The following CNTNAP2 variants were observed in gnomAD, a reference collection of about 807,000 sequenced individuals.
CNTNAP2 encodes the protein contactin-associated protein-like 2.
A neutral mutation model predicts 155.2 loss-of-function variants in CNTNAP2; 98 were observed. That is an observed-to-expected ratio of 0.63 (90% confidence interval 0.54 to 0.75). CNTNAP2 has a LOEUF of 0.75. Ranked by LOEUF, CNTNAP2 falls within the 30% of genes least tolerant of loss-of-function variation. The pLI is 0.00. For synonymous variants in CNTNAP2, 651 were observed against 631.2 expected, an observed-to-expected ratio of 1.03 and a Z score of -0.47; for missense variants, 1,727 against 1,688.1, an observed-to-expected ratio of 1.02 and a Z score of -0.40.
At chr7:146,491,205 A>ATTT in intron 1 of CNTNAP2, among the ~76,000 whole-genome samples, 1 of 152,274 alleles carries the variant, frequency 6.6e-6, no homozygotes, top group African/African-American at 2.4e-5. Flanking sequence ...CTACAAGAAC[A>ATTT]CTTCAGTGGC....
At chr7:148,365,656 C>T (rs1023526150) in intron 21 of CNTNAP2, among the ~76,000 whole-genome samples, 7 of 148,664 alleles carry the variant, frequency 4.7e-5, no homozygotes, top group Non-Finnish European at 6.0e-5. Flanking sequence ...AAGAGTGAGA[C>T]TCCATCTCAT....
At chr7:148,203,707 C>G (rs1409528972) in intron 18 of CNTNAP2, among the ~76,000 whole-genome samples, 1 of 152,010 alleles carries the variant, frequency 6.6e-6, no homozygotes, top group Non-Finnish European at 1.5e-5. Flanking sequence ...GTCGTGTACT[C>G]CAGCCTGGGT....
intron 13 of CNTNAP2, among the ~76,000 whole-genome samples, chr7:147,768,480 GTGAC>G (rs1217400920): frequency 6.6e-6 from 1 of 152,096 alleles, no homozygotes; most frequent in East Asian, 1.9e-4. Flanking sequence ...GATTGATTGA[GTGAC>G]TGAAAAGATA....
At chr7:147,962,199 G>A (rs990700564) in intron 14 of CNTNAP2, among the ~76,000 whole-genome samples, 5 of 152,210 alleles carry the variant, frequency 3.3e-5, no homozygotes, top group African/African-American at 1.2e-4. Context: ...TAATAAGGAA[G>A]CAAATTCTAT....
At chr7:146,910,433 C>T (rs2129216720) in intron 3 of CNTNAP2, among the ~76,000 whole-genome samples, 1 of 149,106 alleles carries the variant, frequency 6.7e-6, no homozygotes, top group East Asian at 1.9e-4. Flanking sequence ...ACCAAAACAG[C>T]ATGGTACTGG....
At chr7:148,242,202 G>C (rs1796170685) in intron 20 of CNTNAP2, among the ~76,000 whole-genome samples, 1 of 152,184 alleles carries the variant, frequency 6.6e-6, no homozygotes, top group Non-Finnish European at 1.5e-5. Flanking sequence ...CTCAAAGATT[G>C]TAACTCTTGG....
At chr7:148,020,786 G>A (rs555808296) in intron 15 of CNTNAP2, among the ~76,000 whole-genome samples, 2 of 152,114 alleles carry the variant, frequency 1.3e-5, no homozygotes, top group East Asian at 3.8e-4. Flanking sequence ...CGACTACTTT[G>A]TTGTAACACA....
chr7:147,814,155 G>GTTCTT (rs1798229627), intron 13 of CNTNAP2, among the ~76,000 whole-genome samples: 1 of 152,088 alleles, frequency 6.6e-6, no homozygotes, highest in Non-Finnish European at 1.5e-5. Flanking sequence ...GGAATTTACA[G>GTTCTT]GTGAAATACC....
intron 15 of CNTNAP2, among the ~76,000 whole-genome samples, chr7:148,079,271 T>A (rs1369219415): frequency 6.6e-6 from 1 of 152,226 alleles, no homozygotes; most frequent in Admixed American, 6.5e-5. Context: ...AGATATACTT[T>A]GGTTTTGTCT....
intron 13 of CNTNAP2, among the ~76,000 whole-genome samples, chr7:147,723,122 ATGCCAACTCTCC>A (rs1319286764): frequency 3.3e-5 from 5 of 152,062 alleles, no homozygotes; most frequent in Non-Finnish European, 7.4e-5. Context: ...CTGGCACTAA[ATGCCAACTCTCC>A]TGCTACTGAT....
chr7:146,162,672 A>T (rs1798243101), intron 1 of CNTNAP2, among the ~76,000 whole-genome samples: 1 of 152,222 alleles, frequency 6.6e-6, no homozygotes, highest in South Asian at 2.1e-4. Context: ...TACCCAAAGT[A>T]TTATAAATCA....
At chr7:147,023,460 T>A (rs1053663950) in intron 3 of CNTNAP2, among the ~76,000 whole-genome samples, 2 of 152,188 alleles carry the variant, frequency 1.3e-5, no homozygotes, top group Non-Finnish European at 2.9e-5. Flanking sequence ...TCTCCTCCAA[T>A]GGCATCTTGT....
intron 13 of CNTNAP2, among the ~76,000 whole-genome samples, chr7:147,642,744 A>T (rs1257416686): frequency 6.6e-6 from 1 of 152,222 alleles, no homozygotes; most frequent in Admixed American, 6.5e-5. Context: ...ATTTCTAGAC[A>T]TCTAGACACT....
chr7:147,405,287 T>C (rs1016789767), intron 10 of CNTNAP2, among the ~76,000 whole-genome samples: 1 of 152,196 alleles, frequency 6.6e-6, no homozygotes, highest in African/African-American at 2.4e-5. Flanking sequence ...ATAAGAGCAA[T>C]TGATTTTAAA....
chr7:147,533,792 A>G (rs1039215057), intron 11 of CNTNAP2, among the ~76,000 whole-genome samples: 3 of 152,156 alleles, frequency 2.0e-5, no homozygotes, highest in Non-Finnish European at 4.4e-5. Flanking sequence ...AATAGTTTTA[A>G]CTATACTCAC....
At chr7:148,044,281 G>T (rs150151826) in intron 15 of CNTNAP2, among the ~76,000 whole-genome samples, 1 of 151,442 alleles carries the variant, frequency 6.6e-6, no homozygotes, top group Admixed American at 6.6e-5. Context: ...TTCCCGGGAC[G>T]TGGTTGTGGA....
chr7:146,592,812 G>A (rs1798802843), intron 1 of CNTNAP2, among the ~76,000 whole-genome samples: 1 of 152,114 alleles, frequency 6.6e-6, no homozygotes, highest in South Asian at 2.1e-4. Flanking sequence ...AATGAAACAT[G>A]GGGTTTATTT....
intron 14 of CNTNAP2, among the ~76,000 whole-genome samples, chr7:147,949,600 G>A (rs58746256): frequency 0.031 from 4,780 of 152,148 alleles, 264 homozygotes; most frequent in African/African-American, 0.11. Flanking sequence ...CTCCCGGAAT[G>A]AGCGAATTCA....
At chr7:146,984,412 C>T (rs868143533) in intron 3 of CNTNAP2, among the ~76,000 whole-genome samples, 1 of 150,784 alleles carries the variant, frequency 6.6e-6, no homozygotes, top group East Asian at 1.9e-4. Context: ...CTTTTCCCTC[C>T]GTTGCTTTTG....
Sources: allele counts gnomAD v4.1 joint callset (sites outside exome capture counted in the v4.1 genomes callset), GRCh38; gene constraint gnomAD v4.1.1; transcripts MANE v1.5; gene names NCBI Gene and HGNC (gene_info 2026-07-23, HGNC 2026-07-21).